Variants in XG observed in about 807,000 individuals in gnomAD.
XG encodes Xg glycoprotein (Xg blood group).
In XG, 24 loss-of-function variants were observed where a neutral mutation model predicts 25.7. That is an observed-to-expected ratio of 0.93 (90% confidence interval 0.68 to 1.31). The LOEUF (loss-of-function observed/expected upper bound fraction) is 1.31, where lower values mean the gene tolerates loss of function less well. XG is among the 40% of genes most tolerant of loss of function. The probability of loss-of-function intolerance (pLI) is 0.00; values close to 1 mark genes in which losing one functional copy is unlikely to be tolerated. For synonymous variants in XG, 77 were observed against 69.2 expected, an observed-to-expected ratio of 1.11 and a Z score of -0.56; for missense variants, 181 against 187.6, an observed-to-expected ratio of 0.96 and a Z score of 0.21.
Position 2,770,556 on chromosome X carries a change from G to T in XG, c.68G>T (p.Arg23Ile). ...LCFLMHARGQRDFDLADALDD... is the reference protein window; with the variant it reads ...LCFLMHARGQIDFDLADALDD... ...CCCTGTTTGCTCCCAATAGGTCAAAGAGACTTTGATTTGGCAGATGCCCTT... is the reference window on the plus strand; with the variant it reads ...CCCTGTTTGCTCCCAATAGGTCAAATAGACTTTGATTTGGCAGATGCCCTT... Residue 23 changes from arginine to isoleucine, a missense_variant, in exon 2 of 11, where the codon AGA becomes ATA. Physicochemically the swap from Arg to Ile is moderately conservative, Grantham distance 97. Transcript: ENST00000644266. 1 of 1,613,932 alleles carries T rather than the reference G, an allele frequency of 6.2e-7. No homozygotes were observed. The highest frequency in any genetic ancestry group is 8.5e-7 in the Non-Finnish European group (1 of 1,179,868).
At chrX:2,807,430 GCA>G (rs755021631) in intron 8 of XG, among the ~76,000 whole-genome samples, 99 of 111,411 alleles carry the variant, frequency 8.9e-4, no homozygotes, top group African/African-American at 1.0e-3. Flanking sequence ...GTACAGGCAT[GCA>G]CACACACACA....
At chrX:2,793,682 G>A (rs311171) in intron 5 of XG, among the ~76,000 whole-genome samples, 1,839 of 111,466 alleles carry the variant, frequency 0.016, 27 homozygotes, top group Middle Eastern at 0.051. Context: ...GGTGGGTAGC[G>A]GCTGTGCTCT....
chrX:2,766,581 T>C (rs955233850), intron 1 of XG, among the ~76,000 whole-genome samples: 8 of 93,666 alleles, frequency 8.5e-5, no homozygotes, highest in Non-Finnish European at 1.5e-4. Context: ...TTTTTTTTTT[T>C]CAAGACAGAT....
At chrX:2,810,893 G>A (rs906212037) in intron 9 of XG, among the ~76,000 whole-genome samples, 2 of 109,303 alleles carry the variant, frequency 1.8e-5, no homozygotes, top group African/African-American at 6.7e-5. Context: ...TCCAGACTGG[G>A]CGACAGAGCA....
chrX:2,771,276 G>A (rs1010550698), intron 2 of XG, among the ~76,000 whole-genome samples: 1 of 151,080 alleles, frequency 6.6e-6, no homozygotes, highest in African/African-American at 2.4e-5. Flanking sequence ...ATCCCTCATT[G>A]TCCCATACCC....
rs2087087118 is a variant in XG, at chrX:2,814,487, A to G, written c.*107A>G. 1 of 1,006,614 alleles carries G rather than the reference A, an allele frequency of 9.9e-7. No homozygotes were observed. The highest frequency in any genetic ancestry group is 3.0e-5 in the Admixed American group (1 of 33,255). 83.0% of individuals were successfully genotyped at this position (1,006,614 alleles called of 1,213,427 possible). ...TATTCTTGACACAATTTGATGACCT[A>G]AAGTGTGTTTTCTTCTGTGTAAAGT... On this transcript the variant is annotated 3_prime_UTR_variant, in exon 11 of 11. Transcript: ENST00000644266.
chrX:2,768,387 G>T (rs2050744892), intron 1 of XG, among the ~76,000 whole-genome samples: 1 of 152,216 alleles, frequency 6.6e-6, no homozygotes, highest in Admixed American at 6.5e-5. Context: ...TGGCAGCCTT[G>T]GAGGGGAGAT....
Position 2,752,241 on chromosome X carries a change from A to C in XG, c.-34A>C. 2 of 1,613,374 alleles carry C rather than the reference A, an allele frequency of 1.2e-6. No homozygotes were observed. Among genetic ancestry groups the C allele is most frequent in the Non-Finnish European group, 1.7e-6 (2 of 1,179,496 alleles). ...GGTCTCACAATCCGCTTGGCTGGGG[A>C]GTCCACTGAGGTTCTTGCATCCTGA... On this transcript the variant is annotated 5_prime_UTR_variant, in exon 1 of 11. Coordinates refer to ENST00000644266, the MANE Select transcript of XG (RefSeq NM_001141919.2).
intron 7 of XG, among the ~76,000 whole-genome samples, chrX:2,800,238 G>A (rs2086922340): frequency 9.0e-6 from 1 of 111,359 alleles, no homozygotes. Context: ...TTGTTATGCA[G>A]ATGAAGGTTC....
chrX:2,782,543 G>T (rs2086740255), intron 4 of XG, among the ~76,000 whole-genome samples: 1 of 111,354 alleles, frequency 9.0e-6, no homozygotes, highest in African/African-American at 3.3e-5. Flanking sequence ...GCAGGTAGGG[G>T]CTTGGGAAGT....
intron 1 of XG, among the ~76,000 whole-genome samples, chrX:2,767,308 C>CG (rs1409090503): frequency 6.6e-6 from 1 of 152,004 alleles, no homozygotes; most frequent in Non-Finnish European, 1.5e-5. Flanking sequence ...ACAGCTTTAC[C>CG]GGGGGCTCAT....
At chrX:2,795,129 A>G (rs1243336246) in intron 6 of XG, among the ~76,000 whole-genome samples, 1 of 108,845 alleles carries the variant, frequency 9.2e-6, no homozygotes, top group Non-Finnish European at 1.9e-5. Context: ...ATATATGTAT[A>G]TCCTGACTTT....
chrX:2,797,355 C>A lies in XG; in HGVS notation c.368C>A (p.Thr123Lys), dbSNP rs753335679. The A allele has an allele frequency of 1.4e-4, 166 of 1,206,931 alleles. No homozygotes were observed. The highest frequency in any genetic ancestry group is 1.8e-4 in the Non-Finnish European group (163 of 894,024). The change falls in exon 7 of 11, where the codon ACG becomes AAG. Residue 123 changes from threonine (T) to lysine (K), a missense_variant. By Grantham distance (78) the Thr-to-Lys change is moderately conservative. Transcript: ENST00000644266. The part of the protein sequence containing the change: ...GYSSYGNSDN[T>K]HGRGGYRLNS... ...TCCAGTTATGGCAACTCCGACAACA[C>A]GCACGGTACCCCTACATCTGGGCAT... is the stretch of plus-strand genomic sequence containing the variant.
rs774706484 is a variant in XG, at chrX:2,778,388, TAAA to T, written c.127+3655_127+3657del. On this transcript the variant is annotated intron_variant, in intron 3 of 10. Transcript: ENST00000644266. ...TGAGACCCCATCTTTACAAAAAAAT[TAAA>T]AAAAATTAGTGGACATGGTGGCATG... Among the ~76,000 whole-genome samples the T allele has an allele frequency of 2.0e-5, 3 of 151,500 alleles. No individual in the cohort carries two copies. The South Asian group carries it at 6.3e-4, about 32-fold the overall frequency.
At position 2,781,343 on chromosome X, in the gene XG, A is replaced by G. The variant is rs923397339; in HGVS notation, c.128-723A>G. 4.6e-5 allele frequency among the ~76,000 whole-genome samples: 7 copies of G among 151,554 alleles called. 1 individual carries two copies. The highest frequency in any genetic ancestry group is 1.3e-4 in the Admixed American group (2 of 15,176). On this transcript the variant is annotated intron_variant, in intron 3 of 10. Transcript: ENST00000644266. ...ATTGGGGCTTTGAAGGAACTCTGCA[A>G]ACCTCCTGGATTTAGCAGGAGACAA...
At chrX:2,774,694 T>C (rs2050936021) in intron 2 of XG, 22 bp from the exon 3 acceptor site, 1 of 1,613,758 alleles carries the variant, frequency 6.2e-7, no homozygotes, top group African/African-American at 1.3e-5. Flanking sequence ...ATATTGCATT[T>C]ATTTTCTCTC....
intron 7 of XG, among the ~76,000 whole-genome samples, chrX:2,798,100 C>T (rs760261768): frequency 1.4e-4 from 16 of 111,249 alleles, no homozygotes; most frequent in Non-Finnish European, 2.8e-4. Flanking sequence ...CTCTTTTGGT[C>T]GGTGCTTATG....
At chrX:2,785,170 T>TA (rs780351021) in intron 4 of XG, among the ~76,000 whole-genome samples, 40 of 112,215 alleles carry the variant, frequency 3.6e-4, no homozygotes, top group Admixed American at 3.4e-3. Context: ...TGATCGGCCT[T>TA]TTACTGAAAA....
intron 1 of XG, among the ~76,000 whole-genome samples, chrX:2,762,360 G>C (rs899570016): frequency 8.6e-5 from 13 of 151,964 alleles, no homozygotes; most frequent in Admixed American, 6.6e-4. Context: ...AGTCAAGAAC[G>C]GGGCCAGTTG....
Sources: gnomAD v4.1 joint callset for allele counts (sites outside exome capture counted in the v4.1 genomes callset) on GRCh38, gnomAD v4.1.1 for gene constraint, MANE v1.5 for transcripts, NCBI Gene and HGNC (gene_info 2026-07-23, HGNC 2026-07-21) for gene names.